VDR: variants seen among roughly 807,000 people sequenced by gnomAD.
The protein encoded by VDR is vitamin D receptor, also known as vitamin D3 receptor.
VDR carries 19 observed loss-of-function variants against 39.7 expected under a neutral mutation model. That is an observed-to-expected ratio of 0.48 (90% confidence interval 0.33 to 0.70). The LOEUF (loss-of-function observed/expected upper bound fraction) is 0.70. VDR is among the 30% of genes least tolerant of loss of function. VDR has a pLI of 0.02. For synonymous variants in VDR, 242 were observed against 215.8 expected, an observed-to-expected ratio of 1.12 and a Z score of -1.07; for missense variants, 442 against 570.5, an observed-to-expected ratio of 0.77 and a Z score of 2.29.
chr12:47,871,355 T>TTTCTTTCG (rs1565622821), intron 3 of VDR, among the ~76,000 whole-genome samples: 1 of 146,526 alleles, frequency 6.8e-6, no homozygotes, highest in South Asian at 2.2e-4. Context: ...TCTTTCTTTC[T>TTTCTTTCG]TTCCTTTCTC....
chr12:47,904,511 C>T (rs1190140783), intron 1 of VDR: 9 of 1,257,970 alleles, frequency 7.2e-6, no homozygotes, highest in Non-Finnish European at 9.6e-6. Flanking sequence ...CCAACTCCAC[C>T]ATCACAGGTG....
At chr12:47,900,718 AC>A (rs1946542594) in intron 1 of VDR, among the ~76,000 whole-genome samples, 1 of 152,142 alleles carries the variant, frequency 6.6e-6, no homozygotes, top group Non-Finnish European at 1.5e-5. Flanking sequence ...TGGGTATTCC[AC>A]AGTGCCTGGA....
rs1421009770 is a variant in VDR at position 47,844,548 on chromosome 12, A to G, written c.*198T>C. ...GCAACTCCTCATGGCTGAGGTCTCAAGGGACCGGGGAAAAGCCCGCAGGAA... is the reference window on the plus strand; with the variant it reads ...GCAACTCCTCATGGCTGAGGTCTCAGGGGACCGGGGAAAAGCCCGCAGGAA... On this transcript the variant is annotated 3_prime_UTR_variant, in exon 10 of 10. Coordinates refer to ENST00000549336, the MANE Select transcript of VDR (RefSeq NM_000376.3). 1.4e-6 allele frequency: 1 copy of G among 716,542 alleles called. No individual in the cohort carries two copies. The highest frequency in any genetic ancestry group is 2.3e-6 in the Non-Finnish European group (1 of 439,958). The allele number at this position is 716,542 out of a possible 1,614,324, so 44.4% of individuals were successfully genotyped here. A position where few individuals can be genotyped will look rare whatever the true frequency, so the allele number is the denominator to read the frequency against.
chr12:47,855,950 G>C, intron 6 of VDR, 149 bp from the exon 7 acceptor site: 2 of 889,442 alleles, frequency 2.2e-6, no homozygotes. Flanking sequence ...TCAGCCCCAG[G>C]CTTCCCTCTG....
In VDR at chr12:47,885,308, G is replaced by A. The variant is rs1389510716; in HGVS notation, c.-83-2534C>T. Among the ~76,000 whole-genome samples the A allele has an allele frequency of 2.6e-5, 4 of 152,328 alleles. No homozygotes were observed. The East Asian group carries it at 7.7e-4, about 29-fold the overall frequency. ...TGACCCTGACCCCAGTGCTGACCTT[G>A]CCTTAGCAAGAAATGAGAAGATAAC... On this transcript the variant is annotated intron_variant, in intron 1 of 9. Transcript: ENST00000549336.
chr12:47,865,937 G>A (rs1945725040), intron 3 of VDR, among the ~76,000 whole-genome samples: 2 of 150,568 alleles, frequency 1.3e-5, no homozygotes, highest in Non-Finnish European at 3.0e-5. Flanking sequence ...GGATGGTCTC[G>A]ATCTCCTGAC....
chr12:47,873,668 T>C (rs1945939676), intron 3 of VDR, among the ~76,000 whole-genome samples: 1 of 151,580 alleles, frequency 6.6e-6, no homozygotes, highest in Non-Finnish European at 1.5e-5. Context: ...GCCACCTGTT[T>C]TCTTTATAAA....
intron 4 of VDR, 52 bp downstream of exon 4, chr12:47,864,995 T>C: frequency 1.2e-6 from 2 of 1,608,662 alleles, no homozygotes; most frequent in Non-Finnish European, 1.7e-6. Context: ...GGCCAAGGCC[T>C]TTCCCTGACT....
In VDR at chr12:47,876,873, C is replaced by T. The variant is rs192771054; in HGVS notation, c.146+2095G>A. On this transcript the variant is annotated intron_variant, in intron 3 of 9. Transcript: ENST00000549336. Reference sequence around the variant, plus strand: ...GAACTGGCCTCCAATGTGTCACCACCCAACCAGCTGCCACCTAAGATTCTC... The same window carrying T: ...GAACTGGCCTCCAATGTGTCACCACTCAACCAGCTGCCACCTAAGATTCTC... Among the ~76,000 whole-genome samples, 336 of 152,310 alleles carry T rather than the reference C, an allele frequency of 2.2e-3. 1 individual carries two copies. The highest frequency in any genetic ancestry group is 0.02 in the Admixed American group (310 of 15,302).
At chr12:47,867,504 G>A (rs2137171865) in intron 3 of VDR, among the ~76,000 whole-genome samples, 1 of 152,274 alleles carries the variant, frequency 6.6e-6, no homozygotes, top group South Asian at 2.1e-4. Flanking sequence ...ACACCACGTG[G>A]ACTTTGGGAG....
chr12:47,902,275 C>G (rs560479030), intron 1 of VDR, among the ~76,000 whole-genome samples: 11 of 152,214 alleles, frequency 7.2e-5, no homozygotes, highest in Non-Finnish European at 1.3e-4. Flanking sequence ...GGCACTGACA[C>G]AGGAAAAGGT....
At chr12:47,878,887 A>G in intron 3 of VDR, 81 bp downstream of exon 3, 1 of 1,608,474 alleles carries the variant, frequency 6.2e-7, no homozygotes, top group Non-Finnish European at 8.5e-7. Flanking sequence ...AGATGTGAAA[A>G]ATGCAAGGGC....
intron 3 of VDR, among the ~76,000 whole-genome samples, chr12:47,866,518 C>T (rs1226906472): frequency 6.6e-6 from 1 of 152,196 alleles, no homozygotes; most frequent in Non-Finnish European, 1.5e-5. Flanking sequence ...AGACCTGTGA[C>T]TGGAATAGCT....
chr12:47,865,118 G>C lies in VDR; in HGVS notation c.206C>G (p.Thr69Ser). 2 of 1,613,958 alleles carry C rather than the reference G, an allele frequency of 1.2e-6. No individual in the cohort carries two copies. Among genetic ancestry groups the C allele is most frequent in the Non-Finnish European group, 1.7e-6 (2 of 1,179,844 alleles). ...CTGGCAGTGGCGTCGGTTGTCCTTGGTGATGCGGCAGTCCCCGTTGAAGGG... is the reference window on the plus strand; with the variant it reads ...CTGGCAGTGGCGTCGGTTGTCCTTGCTGATGCGGCAGTCCCCGTTGAAGGG... The part of the protein sequence containing the change: ...TCPFNGDCRI[T>S]KDNRRHCQAC... The change falls in exon 4 of 10, where the codon ACC (threonine) becomes AGC (serine). Residue 69 changes from threonine (T) to serine (S), a missense_variant. Thr to Ser is a moderately conservative substitution (Grantham distance 58). This residue lies in a region of VDR where 141 missense variants were observed against 141.3 expected (regional missense o/e 1.00). Coordinates refer to ENST00000549336, the MANE Select transcript of VDR (RefSeq NM_000376.3).
intron 3 of VDR, among the ~76,000 whole-genome samples, chr12:47,866,942 G>A (rs1463776052): frequency 2.6e-5 from 4 of 152,136 alleles, no homozygotes; most frequent in Non-Finnish European, 5.9e-5. Flanking sequence ...GTTGCAGTAG[G>A]CCAAGATCAT....
In VDR at chr12:47,858,947, C is replaced by T. The variant is rs11574079; in HGVS notation, c.278-1259G>A. Reference sequence around the variant, plus strand: ...GCCACAGGCATGGCAGGAAAGCGAGCGCTACTGCAAGAGATGGTGCTTCCC... The same window carrying T: ...GCCACAGGCATGGCAGGAAAGCGAGTGCTACTGCAAGAGATGGTGCTTCCC... On this transcript the variant is annotated intron_variant, in intron 4 of 9. Transcript: ENST00000549336. Among the ~76,000 whole-genome samples, 336 of 152,272 alleles carry T rather than the reference C, an allele frequency of 2.2e-3. 9 individuals are homozygous for T. The East Asian group carries it at 0.06, about 27-fold the overall frequency.
intron 1 of VDR, among the ~76,000 whole-genome samples, chr12:47,903,812 G>A (rs1401850799): frequency 2.0e-5 from 3 of 152,182 alleles, no homozygotes; most frequent in Admixed American, 2.0e-4. Context: ...AGAAAGATGA[G>A]ATGTAGATTT....
At chr12:47,850,744 T>C (rs1046197417) in intron 7 of VDR, among the ~76,000 whole-genome samples, 8 of 152,104 alleles carry the variant, frequency 5.3e-5, no homozygotes, top group Admixed American at 4.6e-4. Flanking sequence ...CTCCCTCACC[T>C]GTGTGACATT....
intron 7 of VDR, among the ~76,000 whole-genome samples, chr12:47,848,472 C>G (rs146470121): frequency 1.3e-4 from 20 of 150,576 alleles, no homozygotes; most frequent in Admixed American, 1.3e-3. Context: ...AGGGCCATGT[C>G]ATTGTGATGC....
Sources: gnomAD v4.1 joint callset for allele counts (sites outside exome capture counted in the v4.1 genomes callset) on GRCh38, gnomAD v4.1.1 for gene constraint, gnomAD v4.1.1 regional missense constraint, MANE v1.5 for transcripts, NCBI Gene and HGNC (gene_info 2026-07-23, HGNC 2026-07-21) for gene names.